SLC25A31: variants seen among roughly 807,000 people sequenced by gnomAD.
The protein encoded by SLC25A31 is solute carrier family 25 member 31, also known as ADP/ATP translocase 4.
A neutral mutation model predicts 36.2 loss-of-function variants in SLC25A31; 40 were observed. The observed-to-expected ratio is 1.10, with a 90% CI of 0.86 to 1.44. The LOEUF is 1.44. Among genes scored for constraint, SLC25A31 ranks in the 40% most tolerant of loss-of-function variants. The pLI is 0.00. For synonymous variants in SLC25A31, 143 were observed against 149.7 expected (o/e 0.96, Z 0.32); for missense variants, 350 against 397.1 (o/e 0.88, Z 1.01).
At chr4:127,748,294 A>G (rs1731860784) in intron 2 of SLC25A31, among the ~76,000 whole-genome samples, 1 of 152,162 alleles carries the variant, frequency 6.6e-6, no homozygotes, top group Admixed American at 6.5e-5. Flanking sequence ...TCTCATTTGC[A>G]GCCTGAGAGC....
In SLC25A31 at chr4:127,773,375, T is replaced by C; in HGVS notation, c.760-11T>C. On this transcript the variant is annotated splice_polypyrimidine_tract_variant and intron_variant, in intron 5 of 5. Transcript: ENST00000281154. ...CAGATAATGGAAAACCCTTTGTTTT[T>C]CTTTGTATAGAGTGGTGAGGCTAAA... is the stretch of plus-strand genomic sequence containing the variant. 2.5e-6 allele frequency: 4 copies of C among 1,593,538 alleles called. No individual in the cohort carries two copies. Among genetic ancestry groups the C allele is most frequent in the Non-Finnish European group, 3.4e-6 (4 of 1,173,978 alleles).
At chr4:127,743,991 C>T (rs1018835958) in intron 1 of SLC25A31, among the ~76,000 whole-genome samples, 1 of 152,110 alleles carries the variant, frequency 6.6e-6, no homozygotes, top group African/African-American at 2.4e-5. Context: ...GCCTGCCATG[C>T]TCTAGGGCAG....
chr4:127,755,360 G>A (rs1409118423), intron 2 of SLC25A31, among the ~76,000 whole-genome samples: 2 of 152,110 alleles, frequency 1.3e-5, no homozygotes, highest in African/African-American at 4.8e-5. Context: ...GGGAGAATAT[G>A]TTTGCAAACA....
intron 2 of SLC25A31, among the ~76,000 whole-genome samples, chr4:127,759,564 A>AT (rs1002966200): frequency 2.6e-5 from 4 of 152,182 alleles, no homozygotes; most frequent in African/African-American, 9.6e-5. Flanking sequence ...TAGGGCAAAT[A>AT]TTGTATGATT....
At chr4:127,772,087 A>G (rs1284045570) in intron 5 of SLC25A31, among the ~76,000 whole-genome samples, 2 of 152,196 alleles carry the variant, frequency 1.3e-5, no homozygotes, top group Admixed American at 6.5e-5. Context: ...TGCAAGCCTC[A>G]TAAAATACGT....
At position 127,730,458 on chromosome 4, in the gene SLC25A31, A is replaced by G. The variant is rs1731492769; in HGVS notation, c.-88A>G. On this transcript the variant is annotated 5_prime_UTR_variant, in exon 1 of 6. Coordinates refer to ENST00000281154, the MANE Select transcript of SLC25A31 (RefSeq NM_031291.4). Reference sequence around the variant, plus strand: ...CACTTTCTCGCCAGTACGATGCTGCAGCGGTTTTCCGGTTTTCCGCTTCCC... The same window carrying G: ...CACTTTCTCGCCAGTACGATGCTGCGGCGGTTTTCCGGTTTTCCGCTTCCC... 3.0e-6 allele frequency: 4 copies of G among 1,355,016 alleles called. No homozygotes were observed. Among genetic ancestry groups the G allele is most frequent in the Non-Finnish European group, 4.1e-6 (4 of 970,852 alleles). 83.9% of individuals were successfully genotyped at this position (1,355,016 alleles called of 1,614,324 possible).
Position 127,745,104 on chromosome 4 carries a change from G to T in SLC25A31, c.360+305G>T, listed in dbSNP as rs533717444. ...TTGCGCTGGGGAAACATGGCATTTTGTCTGCTTATTTTAAGCGCAGAAAGA... is the reference window on the plus strand; with the variant it reads ...TTGCGCTGGGGAAACATGGCATTTTTTCTGCTTATTTTAAGCGCAGAAAGA... On this transcript the variant is annotated intron_variant, in intron 2 of 5. Transcript: ENST00000281154. Among the ~76,000 whole-genome samples, 8 of 152,190 alleles carry T rather than the reference G, an allele frequency of 5.3e-5. No individual in the cohort carries two copies. In the East Asian group the frequency reaches 1.5e-3, roughly 29 times the overall value.
At chr4:127,741,136 T>G (rs988106470) in intron 1 of SLC25A31, among the ~76,000 whole-genome samples, 2 of 152,254 alleles carry the variant, frequency 1.3e-5, no homozygotes, top group African/African-American at 4.8e-5. Flanking sequence ...TAATAGTTTG[T>G]TGGCATATTT....
At chr4:127,735,790 A>G (rs1359360297) in intron 1 of SLC25A31, among the ~76,000 whole-genome samples, 2 of 128,574 alleles carry the variant, frequency 1.6e-5, no homozygotes, top group Admixed American at 9.4e-5. Flanking sequence ...TCATCAAAAC[A>G]TGTTGAACCT....
chr4:127,756,625 A>G (rs115264786), intron 2 of SLC25A31, among the ~76,000 whole-genome samples: 1,935 of 152,316 alleles, frequency 0.013, 31 homozygotes, highest in African/African-American at 0.044. Flanking sequence ...ATATATGTTA[A>G]TTAGCTTGGC....
chr4:127,749,105 T>C (rs1578661297), intron 2 of SLC25A31, among the ~76,000 whole-genome samples: 1 of 142,328 alleles, frequency 7.0e-6, no homozygotes, highest in Non-Finnish European at 1.5e-5. Flanking sequence ...AAAACGGAAA[T>C]CCTGGAGCTG....
chr4:127,770,973 T>TG (rs1732348059), intron 5 of SLC25A31, among the ~76,000 whole-genome samples: 2 of 146,062 alleles, frequency 1.4e-5, no homozygotes, highest in South Asian at 2.3e-4. Flanking sequence ...TTTTTTTTTT[T>TG]GGAGATGGAG....
chr4:127,754,466 A>G (rs986694899), intron 2 of SLC25A31, among the ~76,000 whole-genome samples: 2 of 152,164 alleles, frequency 1.3e-5, no homozygotes, highest in Non-Finnish European at 2.9e-5. Flanking sequence ...AACATGCAAA[A>G]ATTAGTCACA....
At chr4:127,753,861 G>A (rs1578664255) in intron 2 of SLC25A31, among the ~76,000 whole-genome samples, 1 of 152,032 alleles carries the variant, frequency 6.6e-6, no homozygotes, top group Non-Finnish European at 1.5e-5. Flanking sequence ...GACACTAGAA[G>A]AAAAGAAAAT....
intron 5 of SLC25A31, among the ~76,000 whole-genome samples, chr4:127,771,021 A>G (rs1054335059): frequency 6.9e-6 from 1 of 145,524 alleles, no homozygotes; most frequent in Non-Finnish European, 1.5e-5. Flanking sequence ...CAGTGGTGCA[A>G]TCTCGGCTCA....
intron 2 of SLC25A31, among the ~76,000 whole-genome samples, chr4:127,754,715 A>G (rs1370060396): frequency 6.6e-6 from 1 of 152,148 alleles, no homozygotes; most frequent in Non-Finnish European, 1.5e-5. Flanking sequence ...ATAGTTTGGA[A>G]AAATTAATAC....
chr4:127,740,787 C>T (rs1390730655), intron 1 of SLC25A31, among the ~76,000 whole-genome samples: 1 of 152,072 alleles, frequency 6.6e-6, no homozygotes, highest in Non-Finnish European at 1.5e-5. Context: ...TGAGCAGGTT[C>T]TTTGAATGCC....
At chr4:127,752,957 A>G (rs1252112709) in intron 2 of SLC25A31, among the ~76,000 whole-genome samples, 1 of 152,296 alleles carries the variant, frequency 6.6e-6, no homozygotes, top group South Asian at 2.1e-4. Flanking sequence ...TCACAAGCAT[A>G]TATGCAAGTC....
chr4:127,762,192 A>G (rs1218687376), intron 2 of SLC25A31, among the ~76,000 whole-genome samples: 1 of 152,206 alleles, frequency 6.6e-6, no homozygotes, highest in Non-Finnish European at 1.5e-5. Flanking sequence ...AACAACCCAA[A>G]TGTTCATCAG....
Sources: allele counts gnomAD v4.1 joint callset (sites outside exome capture counted in the v4.1 genomes callset), GRCh38; gene constraint gnomAD v4.1.1; transcripts MANE v1.5; gene names NCBI Gene and HGNC (gene_info 2026-07-23, HGNC 2026-07-21).